Variants in RBBP6 observed in about 807,000 individuals in gnomAD.
RBBP6 encodes the protein RB binding protein 6, ubiquitin ligase.
In RBBP6, 25 loss-of-function variants were observed where a neutral mutation model predicts 167.7. The observed-to-expected ratio is 0.15, with a 90% CI of 0.11 to 0.21. The LOEUF is 0.21. RBBP6 is among the 10% of genes least tolerant of loss of function. The pLI is 1.00. For synonymous variants in RBBP6, 789 were observed against 735.8 expected (o/e 1.07, Z -1.17); for missense variants, 1,868 against 2,134.2 (o/e 0.88, Z 2.46).
rs1395705764 is a variant in RBBP6 at position 24,563,470 on chromosome 16, A to G, written c.1434A>G (p.Ser478=). 6.2e-7 allele frequency: 1 copy of G among 1,610,952 alleles called. No individual in the cohort carries two copies. The highest frequency in any genetic ancestry group is 1.4e-5 in the African/African-American group (1 of 73,890). The change falls in exon 12 of 18, where the codon TCA becomes TCG. Residue 478 remains serine, a synonymous_variant. Transcript: ENST00000319715. ...VLGTPSLLGQ[S]LLHGQLIPTT... ...GAACCCCATCTTTGCTTGGACAGTC[A>G]TTATTGCATGGACAGTTGATCCCCA...
chr16:24,546,301 T>C (rs758800691), intron 2 of RBBP6, 39 bp downstream of exon 2: 4 of 1,485,976 alleles, frequency 2.7e-6, no homozygotes, highest in Admixed American at 2.7e-5. Flanking sequence ...AAATAGACTT[T>C]TTTTAGTTTT....
intron 3 of RBBP6, chr16:24,549,253 A>C: frequency 1.6e-6 from 2 of 1,284,620 alleles, no homozygotes; most frequent in South Asian, 5.1e-5. Context: ...TGTACAGTTA[A>C]TGTATGATCC....
intron 1 of RBBP6, among the ~76,000 whole-genome samples, chr16:24,545,545 A>G (rs1040260570): frequency 3.3e-5 from 5 of 151,908 alleles, no homozygotes; most frequent in African/African-American, 4.8e-5. Flanking sequence ...ATTTTTCTAC[A>G]TGCTTTTTTT....
chr16:24,549,237 CTG>C (rs1898739771), intron 3 of RBBP6: 5 of 1,350,186 alleles, frequency 3.7e-6, no homozygotes, highest in South Asian at 3.9e-5. Flanking sequence ...CTGTATGACA[CTG>C]TGTTGTACAG....
chr16:24,555,931 A>G lies in RBBP6; in HGVS notation c.534+14A>G. 4 of 1,542,868 alleles carry G rather than the reference A, an allele frequency of 2.6e-6. No individual in the cohort carries two copies. The South Asian group carries it at 4.5e-5, about 17-fold the overall frequency. On this transcript the variant is annotated intron_variant, in intron 6 of 17. Coordinates refer to ENST00000319715, the MANE Select transcript of RBBP6 (RefSeq NM_006910.5). Reference sequence around the variant, plus strand: ...CCAACAAATGGGGTAAGTTCAAAGCAGAAACTATGGTATATCTTACTTTTT... The same window carrying G: ...CCAACAAATGGGGTAAGTTCAAAGCGGAAACTATGGTATATCTTACTTTTT...
Position 24,569,717 on chromosome 16 carries a change from G to A in RBBP6, c.3027G>A (p.Arg1009=), listed in dbSNP as rs781689497. Residue 1009 remains arginine, a synonymous_variant, in exon 17 of 18, where the codon AGG becomes AGA. Transcript: ENST00000319715. Reference sequence around the variant, plus strand: ...TGTCTGAAAAAGACAAGAGAGAAAGGGATAAACCAAAAGCAAAGGGTGATA... The same window carrying A: ...TGTCTGAAAAAGACAAGAGAGAAAGAGATAAACCAAAAGCAAAGGGTGATA... ...KSVSEKDKRE[R]DKPKAKGDKT... is the part of the protein sequence containing the mutation. 2 of 1,613,988 alleles carry A rather than the reference G, an allele frequency of 1.2e-6. No homozygotes were observed. The highest frequency in any genetic ancestry group is 2.2e-5 in the South Asian group (2 of 91,074).
At position 24,569,703 on chromosome 16, in the gene RBBP6, G is replaced by T; in HGVS notation, c.3013G>T (p.Asp1005Tyr). 6.2e-7 allele frequency: 1 copy of T among 1,613,950 alleles called. No individual in the cohort carries two copies. Residue 1005 changes from aspartate (D) to tyrosine (Y), a missense_variant, in exon 17 of 18, where the codon GAC becomes TAC. Coordinates refer to ENST00000319715, the MANE Select transcript of RBBP6 (RefSeq NM_006910.5). ...CACTTTTAAATCAGTGTCTGAAAAA[G>T]ACAAGAGAGAAAGGGATAAACCAAA... ...SITFKSVSEK[D>Y]KRERDKPKAK...
rs1424657539 is a variant in RBBP6, at chr16:24,569,952, C to A, written c.3262C>A (p.Pro1088Thr). The change falls in exon 17 of 18, where the codon CCC (proline) becomes ACC (threonine). Residue 1088 changes from proline (P) to threonine (T), a missense_variant. Pro to Thr is a conservative substitution (Grantham distance 38). Around this residue, in one of 7 missense-constraint regions of RBBP6, gnomAD observed 673 missense variants for 691.5 expected, o/e 0.97. Transcript: ENST00000319715. ...SQKDEKITGT[P>T]RKAHSKSAKE... ...GAAGGATGAAAAAATCACTGGAACC[C>A]CCAGAAAAGCTCACTCTAAATCAGC... The A allele has an allele frequency of 6.2e-7, 1 of 1,600,512 alleles. No homozygotes were observed. Among genetic ancestry groups the A allele is most frequent in the Non-Finnish European group, 8.5e-7 (1 of 1,176,838 alleles).
intron 2 of RBBP6, among the ~76,000 whole-genome samples, chr16:24,548,255 G>T (rs1156408842): frequency 6.6e-6 from 1 of 150,420 alleles, no homozygotes; most frequent in Non-Finnish European, 1.5e-5. Context: ...ATTTAAGTCA[G>T]TTCTTTTAAC....
At chr16:24,542,391 T>C (rs1238157868) in intron 1 of RBBP6, among the ~76,000 whole-genome samples, 1 of 151,942 alleles carries the variant, frequency 6.6e-6, no homozygotes, top group Non-Finnish European at 1.5e-5. Flanking sequence ...TTTACTGGAG[T>C]ATTACACAAT....
At chr16:24,546,646 A>G (rs1319153675) in intron 2 of RBBP6, among the ~76,000 whole-genome samples, 4 of 152,200 alleles carry the variant, frequency 2.6e-5, no homozygotes, top group East Asian at 3.8e-4. Flanking sequence ...GACAGCATCA[A>G]GAGTATTCAG....
chr16:24,543,979 A>G (rs77115903), intron 1 of RBBP6, among the ~76,000 whole-genome samples: 2 of 152,152 alleles, frequency 1.3e-5, no homozygotes, highest in Admixed American at 6.6e-5. Flanking sequence ...ATTTTAAATG[A>G]AATACCCCCA....
Position 24,571,082 on chromosome 16 carries a change from T to C in RBBP6, c.4016T>C (p.Ile1339Thr), listed in dbSNP as rs1899317444. 1.9e-6 allele frequency: 3 copies of C among 1,612,462 alleles called. No homozygotes were observed. The highest frequency in any genetic ancestry group is 1.6e-4 in the Middle Eastern group (1 of 6,062). The change falls in exon 18 of 18, where the codon ATA (isoleucine) becomes ACA (threonine). Residue 1339 changes from isoleucine (I) to threonine (T), a missense_variant. This residue lies in a region of RBBP6 where 591 missense variants were observed against 540.5 expected (regional missense o/e 1.09). Transcript: ENST00000319715. ...EEEDVKSTQPISSVGKPASVI... is the reference protein window; with the variant it reads ...EEEDVKSTQPTSSVGKPASVI... ...GAAGATGTTAAATCCACACAGCCTA[T>C]ATCAAGTGTAGGAAAACCTGCTAGT...
At chr16:24,541,227 A>G (rs902492092) in intron 1 of RBBP6, among the ~76,000 whole-genome samples, 2 of 151,020 alleles carry the variant, frequency 1.3e-5, no homozygotes, top group Non-Finnish European at 2.9e-5. Context: ...TTTCTAACCT[A>G]ACAACATTGT....
intron 17 of RBBP6, 121 bp downstream of exon 17, chr16:24,570,620 T>C: frequency 1.0e-6 from 1 of 975,048 alleles, no homozygotes; most frequent in Non-Finnish European, 1.4e-6. Context: ...AGGCTGGTTT[T>C]ATGTAGTCTT....
intron 6 of RBBP6, 101 bp from the exon 7 acceptor site, chr16:24,556,207 C>G: frequency 1.2e-5 from 12 of 964,466 alleles, no homozygotes; most frequent in Non-Finnish European, 1.9e-5. Context: ...ATGTAAAGCA[C>G]TACAAGTAAT....
intron 8 of RBBP6, among the ~76,000 whole-genome samples, chr16:24,560,111 G>GTTTT (rs1555472777): frequency 5.4e-5 from 4 of 74,000 alleles, no homozygotes; most frequent in African/African-American, 9.9e-5. Flanking sequence ...GACAGTTTTT[G>GTTTT]TTTTTTTTTT....
At chr16:24,542,630 T>G (rs578191564) in intron 1 of RBBP6, among the ~76,000 whole-genome samples, 3 of 152,238 alleles carry the variant, frequency 2.0e-5, no homozygotes, top group African/African-American at 7.2e-5. Context: ...AGCTAATTTT[T>G]TTTTGTATTT....
At chr16:24,553,579 T>C in intron 4 of RBBP6, 22 bp downstream of exon 4, 1 of 1,519,224 alleles carries the variant, frequency 6.6e-7, no homozygotes, top group Non-Finnish European at 8.9e-7. Context: ...TATATATTCT[T>C]GAAAATATAA....
Sources: allele counts gnomAD v4.1 joint callset (sites outside exome capture counted in the v4.1 genomes callset), GRCh38; gene constraint gnomAD v4.1.1; regional missense constraint gnomAD v4.1.1; transcripts MANE v1.5; gene names NCBI Gene and HGNC (gene_info 2026-07-23, HGNC 2026-07-21).